Variants in ARHGEF10 observed in about 807,000 individuals in gnomAD.
The protein encoded by ARHGEF10 is Rho guanine nucleotide exchange factor 10.
Under a neutral mutation model 147.4 loss-of-function variants are expected in ARHGEF10, and 140 were observed. The observed-to-expected ratio is 0.95, with a 90% CI of 0.83 to 1.09. The LOEUF is 1.09. Ranked by LOEUF, ARHGEF10 falls within the 50% of genes least tolerant of loss-of-function variation. The pLI, the probability that ARHGEF10 is intolerant of heterozygous loss-of-function variation, is 0.00. For missense variants in ARHGEF10, 2,222 were observed against 1,752.7 expected (o/e 1.27, Z -4.78); for synonymous variants, 902 against 695.8 (o/e 1.30, Z -4.67).
At chr8:1,845,851 C>T (rs1005514120) in intron 2 of ARHGEF10, among the ~76,000 whole-genome samples, 4 of 152,178 alleles carry the variant, frequency 2.6e-5, no homozygotes, top group Non-Finnish European at 4.4e-5. Context: ...GAGATGTGGC[C>T]TCTGATGGAG....
intron 2 of ARHGEF10, among the ~76,000 whole-genome samples, chr8:1,848,172 T>C (rs1202287399): frequency 6.6e-6 from 1 of 152,232 alleles, no homozygotes; most frequent in Non-Finnish European, 1.5e-5. Context: ...GCATCGTGCA[T>C]ATTGTATTTG....
At chr8:1,844,465 TGAG>T (rs1804383611) in intron 2 of ARHGEF10, among the ~76,000 whole-genome samples, 17 of 151,332 alleles carry the variant, frequency 1.1e-4, no homozygotes, top group East Asian at 3.9e-4. Context: ...AATCCAGGGG[TGAG>T]CAGTGGCCAC....
intron 21 of ARHGEF10, among the ~76,000 whole-genome samples, chr8:1,925,057 C>T (rs1233787512): frequency 2.0e-5 from 3 of 152,174 alleles, no homozygotes; most frequent in African/African-American, 7.2e-5. Context: ...AGGGAGAGGT[C>T]CCTGCCACTT....
chr8:1,947,976 G>A (rs77730540), intron 27 of ARHGEF10, among the ~76,000 whole-genome samples: 236 of 151,954 alleles, frequency 1.6e-3, no homozygotes, highest in African/African-American at 4.9e-3. Context: ...ACCCCTTGCC[G>A]GCTGCTCAGG....
chr8:1,910,918 TATTC>T (rs1196159648), intron 18 of ARHGEF10, among the ~76,000 whole-genome samples: 1 of 152,222 alleles, frequency 6.6e-6, no homozygotes, highest in African/African-American at 2.4e-5. Flanking sequence ...TATATTTTCT[TATTC>T]ATCTTATTAT....
chr8:1,948,878 G>A lies in ARHGEF10; in HGVS notation c.3397+3223G>A, dbSNP rs936900463. On this transcript the variant is annotated intron_variant, in intron 27 of 28. Transcript: ENST00000349830. This position sits in a 1 kb window ranked among gnomAD's most constrained non-coding sequence, Gnocchi z 4.9. ...GCGCGGATGCTGAGGTCGCCGGGCC[G>A]TCACTGCTCCTGGGTTCTTCTCCTC... 4.2e-4 allele frequency among the ~76,000 whole-genome samples: 64 copies of A among 152,162 alleles called. No individual in the cohort carries two copies. Among genetic ancestry groups the A allele is most frequent in the Non-Finnish European group, 1.6e-4 (11 of 68,038 alleles).
intron 16 of ARHGEF10, chr8:1,904,179 A>AAAACTG (rs1360950213): frequency 6.6e-6 from 1 of 152,166 alleles, no homozygotes; most frequent in Non-Finnish European, 1.5e-5. Flanking sequence ...GAGATGCAGG[A>AAAACTG]CCCAGAAGGC....
At chr8:1,903,110 C>G (rs1012264773) in intron 15 of ARHGEF10, among the ~76,000 whole-genome samples, 171 bp from the exon 16 acceptor site, 2 of 152,174 alleles carry the variant, frequency 1.3e-5, no homozygotes, top group Non-Finnish European at 1.5e-5. Context: ...GATGTTCAGC[C>G]AAGTCGTGAC....
intron 17 of ARHGEF10, among the ~76,000 whole-genome samples, chr8:1,908,321 C>G (rs1022767022): frequency 6.7e-6 from 1 of 150,258 alleles, no homozygotes; most frequent in African/African-American, 2.5e-5. Flanking sequence ...AGCTCTGCCT[C>G]CCGGGTTCAC....
rs546477040 is a variant in ARHGEF10 at position 1,924,190 on chromosome 8, G to A, written c.2488+316G>A. Among the ~76,000 whole-genome samples the A allele has an allele frequency of 7.5e-4, 113 of 150,244 alleles. 1 individual carries two copies. The South Asian group carries it at 0.023, about 31-fold the overall frequency. On this transcript the variant is annotated intron_variant, in intron 21 of 28. Coordinates refer to ENST00000349830, the MANE Select transcript of ARHGEF10 (RefSeq NM_014629.4). ...TGGCCGTGAGCCAGGTGCTCAAGGC[G>A]GGCGGCGGGCGGCGGCCTTCAAATG... is the stretch of plus-strand genomic sequence containing the variant.
intron 26 of ARHGEF10, among the ~76,000 whole-genome samples, chr8:1,936,922 G>C (rs1456557190): frequency 1.3e-5 from 2 of 152,144 alleles, no homozygotes; most frequent in African/African-American, 4.8e-5. Context: ...CTCTCCGGCT[G>C]GCCCCTGGAG....
intron 18 of ARHGEF10, among the ~76,000 whole-genome samples, chr8:1,915,844 A>G (rs1040599465): frequency 6.6e-6 from 1 of 152,238 alleles, no homozygotes; most frequent in Non-Finnish European, 1.5e-5. Flanking sequence ...GCTGATGCCA[A>G]AATACTCATT....
chr8:1,842,423 A>G (rs886815710), intron 1 of ARHGEF10, among the ~76,000 whole-genome samples: 4 of 147,964 alleles, frequency 2.7e-5, no homozygotes, highest in African/African-American at 1.0e-4. Context: ...GCAGCCTGCC[A>G]TCCCCTCGCG....
chr8:1,871,520 G>A (rs1217116934), intron 7 of ARHGEF10, among the ~76,000 whole-genome samples: 1 of 152,032 alleles, frequency 6.6e-6, no homozygotes, highest in Non-Finnish European at 1.5e-5. Flanking sequence ...AGACATAATG[G>A]CATATGTTAA....
chr8:1,891,986 T>A (rs893709880), intron 11 of ARHGEF10, among the ~76,000 whole-genome samples: 4 of 148,798 alleles, frequency 2.7e-5, no homozygotes, highest in Admixed American at 6.7e-5. Flanking sequence ...ATACATAATA[T>A]AGGTACACAT....
At chr8:1,884,293 G>A (rs1486483485) in intron 10 of ARHGEF10, among the ~76,000 whole-genome samples, 1 of 151,942 alleles carries the variant, frequency 6.6e-6, no homozygotes, top group African/African-American at 2.4e-5. Flanking sequence ...CTACTCAGGA[G>A]GCTGAGGCAG....
At chr8:1,900,496 T>C (rs918939396) in intron 15 of ARHGEF10, among the ~76,000 whole-genome samples, 2 of 152,142 alleles carry the variant, frequency 1.3e-5, no homozygotes, top group African/African-American at 4.8e-5. Context: ...ACAAATCTAG[T>C]ACACTGTCCA....
intron 18 of ARHGEF10, among the ~76,000 whole-genome samples, chr8:1,920,272 A>G (rs1404738266): frequency 6.6e-6 from 1 of 152,248 alleles, no homozygotes; most frequent in East Asian, 1.9e-4. Context: ...ATATTTTAAA[A>G]GAAGTCAACT....
intron 13 of ARHGEF10, among the ~76,000 whole-genome samples, chr8:1,895,745 C>T (rs1164594177): frequency 6.6e-6 from 1 of 152,172 alleles, no homozygotes; most frequent in African/African-American, 2.4e-5. Context: ...AAAGGACTTA[C>T]GGTTTCTTAG....
Sources: allele counts gnomAD v4.1 joint callset (sites outside exome capture counted in the v4.1 genomes callset), GRCh38; gene constraint gnomAD v4.1.1; non-coding constraint Gnocchi (gnomAD v3.1); transcripts MANE v1.5; gene names NCBI Gene and HGNC (gene_info 2026-07-23, HGNC 2026-07-21).